The following PLXNA2 variants were observed in gnomAD, a reference collection of about 807,000 sequenced individuals.
The protein encoded by PLXNA2 is plexin-A2.
A neutral mutation model predicts 193.5 loss-of-function variants in PLXNA2; 91 were observed. The ratio of observed to expected loss-of-function variants is 0.47; its 90% CI spans 0.40 to 0.56. PLXNA2 has a LOEUF of 0.56. PLXNA2 is among the 20% of genes least tolerant of loss of function. The pLI is 0.00. For synonymous variants in PLXNA2, 997 were observed against 1,027.3 expected (o/e 0.97, Z 0.56); for missense variants, 1,995 against 2,503.2 (o/e 0.80, Z 4.33).
chr1:208,178,626 T>G (rs1345063055), intron 3 of PLXNA2, among the ~76,000 whole-genome samples: 1 of 152,212 alleles, frequency 6.6e-6, no homozygotes, highest in African/African-American at 2.4e-5. Context: ...GCCCTTGGCC[T>G]CCTTGTTGGG....
At chr1:208,061,445 G>T (rs1665617489) in intron 12 of PLXNA2, among the ~76,000 whole-genome samples, 1 of 152,196 alleles carries the variant, frequency 6.6e-6, no homozygotes, top group African/African-American at 2.4e-5. Context: ...CTGATTTGGG[G>T]TATACACGGA....
At chr1:208,126,943 C>A (rs555493664) in intron 4 of PLXNA2, among the ~76,000 whole-genome samples, 1 of 152,108 alleles carries the variant, frequency 6.6e-6, no homozygotes, top group Non-Finnish European at 1.5e-5. Flanking sequence ...CAATTCAGCA[C>A]CTTTATAAAA....
At chr1:208,224,118 C>G (rs576870535) in intron 1 of PLXNA2, among the ~76,000 whole-genome samples, 1 of 152,164 alleles carries the variant, frequency 6.6e-6, no homozygotes, top group Non-Finnish European at 1.5e-5. Context: ...AGTCCAGGCA[C>G]GTTGGGTAGC....
intron 5 of PLXNA2, among the ~76,000 whole-genome samples, chr1:208,099,631 C>T (rs1667027269): frequency 6.6e-6 from 1 of 152,102 alleles, no homozygotes; most frequent in Non-Finnish European, 1.5e-5. Flanking sequence ...AGTGCAGTGG[C>T]AGGGTCTCAG....
chr1:208,106,545 C>T (rs529477090), intron 4 of PLXNA2, among the ~76,000 whole-genome samples: 5 of 152,230 alleles, frequency 3.3e-5, no homozygotes, highest in South Asian at 2.1e-4. Flanking sequence ...TAGCTTCATG[C>T]GGCTATTGAG....
intron 1 of PLXNA2, among the ~76,000 whole-genome samples, chr1:208,227,733 G>T (rs541519446): frequency 7.2e-5 from 11 of 152,276 alleles, no homozygotes; most frequent in Admixed American, 5.2e-4. Flanking sequence ...TGCTAGCTTG[G>T]CAGCCGCCTT....
chr1:208,115,386 A>G (rs774724597), intron 4 of PLXNA2, among the ~76,000 whole-genome samples: 2 of 152,204 alleles, frequency 1.3e-5, no homozygotes, highest in Non-Finnish European at 2.9e-5. Flanking sequence ...CCAGACTGCT[A>G]TATATATAAG....
At chr1:208,030,817 C>T (rs989035078) in intron 29 of PLXNA2, 42 of 985,326 alleles carry the variant, frequency 4.3e-5, no homozygotes, top group Admixed American at 6.1e-5. Context: ...CCTTTTGATG[C>T]CAGCTCTTGG....
intron 4 of PLXNA2, among the ~76,000 whole-genome samples, chr1:208,116,793 A>G (rs1207420668): frequency 6.6e-6 from 1 of 152,084 alleles, no homozygotes; most frequent in African/African-American, 2.4e-5. Context: ...CTGCCATACA[A>G]TTTTTCAGAG....
intron 31 of PLXNA2, 66 bp from the exon 32 acceptor site, chr1:208,027,404 TCGTTCC>T: frequency 7.4e-7 from 1 of 1,343,024 alleles, no homozygotes; most frequent in Non-Finnish European, 1.1e-6. Context: ...TTTTCTGGAG[TCGTTCC>T]CTCTTTGCCC....
At chr1:208,035,255 T>C (rs528421349) in intron 26 of PLXNA2, among the ~76,000 whole-genome samples, 1 of 152,366 alleles carries the variant, frequency 6.6e-6, no homozygotes, top group Non-Finnish European at 1.5e-5. Flanking sequence ...AGCCAATATT[T>C]GTAGCCAGGT....
At chr1:208,173,355 G>A (rs1669555330) in intron 3 of PLXNA2, among the ~76,000 whole-genome samples, 1 of 152,142 alleles carries the variant, frequency 6.6e-6, no homozygotes, top group Non-Finnish European at 1.5e-5. Flanking sequence ...TGCACTATGA[G>A]CCCCGTTTAG....
chr1:208,033,602 A>C, intron 27 of PLXNA2, 93 bp from the exon 28 acceptor site: 2 of 971,278 alleles, frequency 2.1e-6, no homozygotes, highest in Admixed American at 2.6e-5. Context: ...TGCTGCATCC[A>C]CTCAGAATAA....
At chr1:208,179,509 GCACT>G (rs927358899) in intron 3 of PLXNA2, among the ~76,000 whole-genome samples, 2 of 152,124 alleles carry the variant, frequency 1.3e-5, no homozygotes, top group African/African-American at 4.8e-5. Flanking sequence ...GAGGCAGGCA[GCACT>G]CACTCCCCTT....
At chr1:208,042,886 G>A (rs992274563) in intron 21 of PLXNA2, among the ~76,000 whole-genome samples, 175 bp downstream of exon 21, 27 of 152,140 alleles carry the variant, frequency 1.8e-4, no homozygotes, top group Admixed American at 1.4e-3. Context: ...AAGGAGCCTG[G>A]GTGCCCCCTC....
rs559227948 is a variant in PLXNA2 at position 208,092,682 on chromosome 1, G to T, written c.2097+104C>A. The T allele has an allele frequency of 4.0e-4, 281 of 701,208 alleles. 2 individuals carry two copies. The South Asian group carries it at 5.3e-3, about 13-fold the overall frequency. 43.4% of individuals were successfully genotyped at this position (701,208 alleles called of 1,614,324 possible). Reference sequence around the variant, plus strand: ...ATTTCTGGCAAGACGGCCAAGATGGGCCAGGGCAAGAAAATGGCCAAGCCA... The same window carrying T: ...ATTTCTGGCAAGACGGCCAAGATGGTCCAGGGCAAGAAAATGGCCAAGCCA... On this transcript the variant is annotated intron_variant, in intron 9 of 31. Coordinates refer to ENST00000367033, the MANE Select transcript of PLXNA2 (RefSeq NM_025179.4).
chr1:208,072,665 G>A (rs1322259681), intron 12 of PLXNA2, among the ~76,000 whole-genome samples: 3 of 152,192 alleles, frequency 2.0e-5, no homozygotes, highest in Non-Finnish European at 4.4e-5. Flanking sequence ...AATAACTGGG[G>A]TAGAGGTTAG....
At chr1:208,029,414 T>A (rs1051074646) in intron 29 of PLXNA2, 9 of 1,058,058 alleles carry the variant, frequency 8.5e-6, no homozygotes, top group Non-Finnish European at 9.2e-6. Context: ...GCTCCTGGAG[T>A]CCCTTCACAG....
intron 2 of PLXNA2, among the ~76,000 whole-genome samples, chr1:208,215,980 A>C (rs1475895042): frequency 6.6e-6 from 1 of 150,904 alleles, no homozygotes; most frequent in Non-Finnish European, 1.5e-5. Flanking sequence ...GTCAAGCCAG[A>C]CTCCCTTCCC....
Sources: allele counts gnomAD v4.1 joint callset (sites outside exome capture counted in the v4.1 genomes callset), GRCh38; gene constraint gnomAD v4.1.1; transcripts MANE v1.5; gene names NCBI Gene and HGNC (gene_info 2026-07-23, HGNC 2026-07-21).